HDAC3: variants seen among roughly 807,000 people sequenced by gnomAD.
HDAC3 encodes the protein SMAP45.
In HDAC3, 21 loss-of-function variants were observed where a neutral mutation model predicts 62.3. That is an observed-to-expected ratio of 0.34 (90% CI 0.24 to 0.49). HDAC3 has a LOEUF of 0.49. Ranked by LOEUF, HDAC3 falls within the 20% of genes least tolerant of loss-of-function variation. HDAC3 has a pLI of 0.99. For synonymous variants in HDAC3, 198 were observed against 206.5 expected (o/e 0.96, Z 0.35); for missense variants, 270 against 556.9 (o/e 0.48, Z 5.19).
chr5:141,633,754 A>G (rs2099905565), intron 3 of HDAC3, among the ~76,000 whole-genome samples: 1 of 145,620 alleles, frequency 6.9e-6, no homozygotes, highest in Admixed American at 7.1e-5. Context: ...TGAACCCAGG[A>G]GGCAGAGGTT....
rs553998733 is a variant in HDAC3 at position 141,629,504 on chromosome 5, G to A, written c.476+180C>T. The A allele has an allele frequency of 5.7e-5, 51 of 897,954 alleles. No homozygotes were observed. The African/African-American group carries it at 8.0e-4, about 14-fold the overall frequency. 55.6% of individuals were successfully genotyped at this position (897,954 alleles called of 1,614,324 possible). On this transcript the variant is annotated intron_variant, in intron 6 of 14. Coordinates refer to ENST00000305264, the MANE Select transcript of HDAC3 (RefSeq NM_003883.4). The surrounding 1 kb of genome is among the most constrained non-coding windows in gnomAD (Gnocchi z 5.3). Reference sequence around the variant, plus strand: ...GGACAGGAGAGGGATATGCAGAGAAGGCTGAAATGTGAGCAGGCAGTAGGG... The same window carrying A: ...GGACAGGAGAGGGATATGCAGAGAAAGCTGAAATGTGAGCAGGCAGTAGGG...
rs997773089 is a variant in HDAC3 at position 141,628,403 on chromosome 5, T to C, written c.691+156A>G. The C allele has an allele frequency of 1.5e-5, 11 of 740,920 alleles. No individual in the cohort carries two copies. Among genetic ancestry groups the C allele is most frequent in the Non-Finnish European group, 1.6e-5 (7 of 424,742 alleles). The allele number at this position is 740,920 out of a possible 1,614,324, so 45.9% of individuals were successfully genotyped here. On this transcript the variant is annotated intron_variant, in intron 8 of 14. Transcript: ENST00000305264. The surrounding 1 kb of genome is among the most constrained non-coding windows in gnomAD (Gnocchi z 4.7). ...CCCAGAAAAATGCACATACACATGA[T>C]ATGTTGCATACAATTTCCAGAGATT...
At chr5:141,624,551 T>C in intron 14 of HDAC3, among the ~76,000 whole-genome samples, 1 of 134,112 alleles carries the variant, frequency 7.5e-6, no homozygotes, top group South Asian at 2.5e-4. Flanking sequence ...AATGAGACCC[T>C]GTCTCAAAAA....
chr5:141,633,554 G>A (rs570244778), intron 3 of HDAC3, among the ~76,000 whole-genome samples: 4 of 151,956 alleles, frequency 2.6e-5, no homozygotes, highest in Admixed American at 6.6e-5. Context: ...AGCTGGGTGC[G>A]ATGGCTCACG....
At position 141,636,531 on chromosome 5, in the gene HDAC3, G is replaced by A. The variant is rs374158487; in HGVS notation, c.138+17C>T. The A allele has an allele frequency of 2.5e-6, 4 of 1,604,570 alleles. No homozygotes were observed. Among genetic ancestry groups the A allele is most frequent in the South Asian group, 1.1e-5 (1 of 90,878 alleles). ...TCGCCCCACCCCCCAACCCCCGGCC[G>A]AGGCGGCGGAACTCACGATCATCTT... On this transcript the variant is annotated intron_variant, in intron 2 of 14. Coordinates refer to ENST00000305264, the MANE Select transcript of HDAC3 (RefSeq NM_003883.4).
chr5:141,636,719 T>A lies in HDAC3; in HGVS notation c.55+17A>T. The A allele has an allele frequency of 6.2e-7, 1 of 1,613,920 alleles. No homozygotes were observed. ...CCTCCGTGTCCCAACCCCTCATGCA[T>A]ATCCCTGTTTCCTCACCGTAGTGGA... is the stretch of plus-strand genomic sequence containing the variant. On this transcript the variant is annotated intron_variant, in intron 1 of 14. Coordinates refer to ENST00000305264, the MANE Select transcript of HDAC3 (RefSeq NM_003883.4).
chr5:141,635,022 C>T (rs2154598067), intron 2 of HDAC3, 69 bp from the exon 3 acceptor site: 1 of 1,535,556 alleles, frequency 6.5e-7, no homozygotes, highest in Non-Finnish European at 8.9e-7. Context: ...ACCACCCATA[C>T]TGAACCCAGT....
Position 141,627,931 on chromosome 5 carries a change from A to G in HDAC3, c.792T>C (p.Asp264=). The G allele has an allele frequency of 6.2e-7, 1 of 1,614,182 alleles. No individual in the cohort carries two copies. The highest frequency in any genetic ancestry group is 8.5e-7 in the Non-Finnish European group (1 of 1,180,036). Residue 264 remains aspartate (D), a synonymous_variant, in exon 10 of 15, where the codon GAT becomes GAC. Transcript: ENST00000305264. ...LQCGADSLGC[D]RLGCFNLSIR... is the part of the protein sequence containing the mutation. ...TGCTGAGGTTAAAGCAGCCCAATCGATCACAGCCCAGAGAGTCAGCTCCAC... is the reference window on the plus strand; with the variant it reads ...TGCTGAGGTTAAAGCAGCCCAATCGGTCACAGCCCAGAGAGTCAGCTCCAC...
rs935619526 is a variant in HDAC3 at position 141,621,190 on chromosome 5, G to A, written c.*278C>T. 1 of 389,432 alleles carries A rather than the reference G, an allele frequency of 2.6e-6. No homozygotes were observed. The highest frequency in any genetic ancestry group is 4.7e-6 in the Non-Finnish European group (1 of 214,642). 24.1% of individuals were successfully genotyped at this position (389,432 alleles called of 1,614,324 possible). A position where few individuals can be genotyped will look rare whatever the true frequency, so the allele number is the denominator to read the frequency against. The stretch of plus-strand genomic sequence containing the variant: ...GAAGCAGGGAAGAAATAAGGGGCAA[G>A]GGGGGCTAGGGACTGGCCTCCAGGG... On this transcript the variant is annotated 3_prime_UTR_variant, in exon 15 of 15. Coordinates refer to ENST00000305264, the MANE Select transcript of HDAC3 (RefSeq NM_003883.4).
chr5:141,627,034 T>C (rs934403582), intron 10 of HDAC3, among the ~76,000 whole-genome samples: 4 of 152,096 alleles, frequency 2.6e-5, no homozygotes, highest in African/African-American at 9.7e-5. Context: ...CCCATCATCT[T>C]TGGAATATAA....
chr5:141,635,064 T>A, intron 2 of HDAC3, 111 bp from the exon 3 acceptor site: 1 of 1,024,464 alleles, frequency 9.8e-7, no homozygotes, highest in Non-Finnish European at 1.4e-6. Context: ...AACATAGCAT[T>A]CCCCTCATCC....
Position 141,629,554 on chromosome 5 carries a change from C to G in HDAC3, c.476+130G>C, listed in dbSNP as rs1215430943. On this transcript the variant is annotated intron_variant, in intron 6 of 14. Transcript: ENST00000305264. The surrounding 1 kb of genome is among the most constrained non-coding windows in gnomAD (Gnocchi z 5.3). ...GAATCTGCAGCAGTGGAAGAGGCAG[C>G]CTGAATAAAGCATCAAGAACTTGGG... 2.0e-6 allele frequency: 2 copies of G among 1,006,962 alleles called. No individual in the cohort carries two copies. The highest frequency in any genetic ancestry group is 1.5e-6 in the Non-Finnish European group (1 of 662,180). The allele number at this position is 1,006,962 out of a possible 1,614,324, so 62.4% of individuals were successfully genotyped here.
At position 141,621,372 on chromosome 5, in the gene HDAC3, G is replaced by A; in HGVS notation, c.*96C>T. On this transcript the variant is annotated 3_prime_UTR_variant, in exon 15 of 15. Coordinates refer to ENST00000305264, the MANE Select transcript of HDAC3 (RefSeq NM_003883.4). ...TTTCCCAGAGTCAGCAAAAGCCCTGGGGTGACCCCCAGGACTCTAGGAGCC... is the reference window on the plus strand; with the variant it reads ...TTTCCCAGAGTCAGCAAAAGCCCTGAGGTGACCCCCAGGACTCTAGGAGCC... 1 of 1,124,814 alleles carries A rather than the reference G, an allele frequency of 8.9e-7. No homozygotes were observed. Among genetic ancestry groups the A allele is most frequent in the East Asian group, 2.4e-5 (1 of 42,446 alleles). The allele number at this position is 1,124,814 out of a possible 1,614,324, so 69.7% of individuals were successfully genotyped here.
chr5:141,622,856 G>A (rs1405072146), intron 14 of HDAC3, among the ~76,000 whole-genome samples: 1 of 151,996 alleles, frequency 6.6e-6, no homozygotes, highest in Non-Finnish European at 1.5e-5. Context: ...GCTCACACCT[G>A]TAGCCTGTAA....
chr5:141,623,077 C>A (rs145973883), intron 14 of HDAC3, among the ~76,000 whole-genome samples: 13,345 of 151,940 alleles, frequency 0.088, 760 homozygotes, highest in South Asian at 0.15. Flanking sequence ...GAGCTGAGAT[C>A]ATGCCATTGC....
chr5:141,632,897 C>T (rs1428961586), intron 3 of HDAC3, among the ~76,000 whole-genome samples: 7 of 152,158 alleles, frequency 4.6e-5, no homozygotes, highest in Admixed American at 4.6e-4. Flanking sequence ...ATCCTACAGC[C>T]CTGGCTGCTT....
In HDAC3 at chr5:141,625,469, T is replaced by G; in HGVS notation, c.1060-104A>C. On this transcript the variant is annotated intron_variant, in intron 13 of 14. Coordinates refer to ENST00000305264, the MANE Select transcript of HDAC3 (RefSeq NM_003883.4). The surrounding 1 kb of genome is among the most constrained non-coding windows in gnomAD (Gnocchi z 4.0). ...CCTACCATACTGGTTTTCATCTCAG[T>G]GGTACCTCTAGTTCAGGTCCCCCAA... 2 of 1,344,618 alleles carry G rather than the reference T, an allele frequency of 1.5e-6. No homozygotes were observed. The highest frequency in any genetic ancestry group is 2.1e-6 in the Non-Finnish European group (2 of 945,144). 83.3% of individuals were successfully genotyped at this position (1,344,618 alleles called of 1,614,324 possible). A position where few individuals can be genotyped will look rare whatever the true frequency, so the allele number is the denominator to read the frequency against.
intron 3 of HDAC3, among the ~76,000 whole-genome samples, chr5:141,631,294 A>G (rs190651468): frequency 6.6e-6 from 1 of 152,232 alleles, no homozygotes; most frequent in African/African-American, 2.4e-5. Flanking sequence ...TTCAAGCAAG[A>G]ATTGTAGGGT....
chr5:141,636,392 A>G (rs937120295), intron 2 of HDAC3, 156 bp downstream of exon 2: 4 of 683,388 alleles, frequency 5.9e-6, no homozygotes, highest in African/African-American at 5.3e-5. Context: ...CGCCACCCCC[A>G]ACACCCTGCA....
Sources: allele counts gnomAD v4.1 joint callset (sites outside exome capture counted in the v4.1 genomes callset), GRCh38; gene constraint gnomAD v4.1.1; non-coding constraint Gnocchi (gnomAD v3.1); transcripts MANE v1.5; gene names NCBI Gene and HGNC (gene_info 2026-07-23, HGNC 2026-07-21).